CIITA: variants seen among roughly 807,000 people sequenced by gnomAD.
CIITA encodes the protein MHC class II transactivator.
CIITA carries 72 observed loss-of-function variants against 115.1 expected under a neutral mutation model. The ratio of observed to expected loss-of-function variants is 0.63; its 90% confidence interval spans 0.52 to 0.76. The LOEUF (loss-of-function observed/expected upper bound fraction) is 0.76, where lower values mean the gene tolerates loss of function less well. CIITA is among the 30% of genes least tolerant of loss of function. The probability of loss-of-function intolerance (pLI) is 0.00; values close to 1 mark genes in which losing one functional copy is unlikely to be tolerated. For synonymous variants in CIITA, 763 were observed against 635.6 expected (o/e 1.20, Z -3.02); for missense variants, 1,617 against 1,463.8 (o/e 1.10, Z -1.71).
At position 10,879,654 on chromosome 16, in the gene CIITA, C is replaced by T. The variant is rs954545467; in HGVS notation, c.52+2272C>T. Among the ~76,000 whole-genome samples, 4 of 152,166 alleles carry T rather than the reference C, an allele frequency of 2.6e-5. No individual in the cohort carries two copies. The highest frequency in any genetic ancestry group is 5.9e-5 in the Non-Finnish European group (4 of 68,024). ...GGGAGGGGTGGGGGAGGGATCCCCC[C>T]GGACTGAACCGATCTCTTGATCTCT... On this transcript the variant is annotated intron_variant, in intron 1 of 19. Transcript: ENST00000324288. This position sits in a 1 kb window ranked among gnomAD's most constrained non-coding sequence, Gnocchi z 4.3.
At chr16:10,915,437 G>A (rs568882607) in intron 13 of CIITA, 133 bp from the exon 14 acceptor site, 7 of 741,074 alleles carry the variant, frequency 9.4e-6, no homozygotes, top group South Asian at 8.6e-5. Context: ...GGACCTAAGA[G>A]GCTGGGGTGG....
intron 13 of CIITA, among the ~76,000 whole-genome samples, chr16:10,911,255 C>A (rs1265413183): frequency 5.3e-5 from 8 of 150,478 alleles, no homozygotes; most frequent in African/African-American, 1.7e-4. Context: ...TTCTTTCTCT[C>A]TTTCTTTCCT....
chr16:10,939,188 C>G (rs527648071), downstream of CIITA: 2 of 152,372 alleles, frequency 1.3e-5, no homozygotes, highest in Admixed American at 6.5e-5. This position sits in a 1 kb window ranked among gnomAD's most constrained non-coding sequence, Gnocchi z 4.9. Flanking sequence ...GAGAGTTGTT[C>G]TCAGTCTGTT....
intron 1 of CIITA, among the ~76,000 whole-genome samples, chr16:10,870,139 A>G (rs1400006773): frequency 7.3e-6 from 1 of 136,300 alleles, no homozygotes; most frequent in Non-Finnish European, 1.5e-5. Context: ...ATGGGGTCTC[A>G]TGAGTCCTGG....
chr16:10,878,458 G>T (rs2036057329), intron 1 of CIITA, among the ~76,000 whole-genome samples: 1 of 152,206 alleles, frequency 6.6e-6, no homozygotes, highest in South Asian at 2.1e-4. Context: ...CTCTTGCCAC[G>T]GCTGGGGGTG....
At chr16:10,893,025 G>C (rs2037752423) in intron 1 of CIITA, among the ~76,000 whole-genome samples, 1 of 152,200 alleles carries the variant, frequency 6.6e-6, no homozygotes, top group Admixed American at 6.5e-5. Flanking sequence ...GTCTTTATAA[G>C]AGAAAGAGAC....
chr16:10,878,507 C>T (rs1219755788), intron 1 of CIITA, among the ~76,000 whole-genome samples: 3 of 152,172 alleles, frequency 2.0e-5, no homozygotes, highest in East Asian at 1.9e-4. Context: ...ATGGAAGGTA[C>T]CTGAGGGATT....
chr16:10,904,931 T>G, intron 10 of CIITA, 119 bp downstream of exon 10: 1 of 1,004,998 alleles, frequency 1.0e-6, no homozygotes, highest in Admixed American at 1.9e-5. Flanking sequence ...ACACACTCAT[T>G]TATTTATTCA....
chr16:10,937,547 C>G (rs143270972), downstream of CIITA: 66 of 152,378 alleles, frequency 4.3e-4, no homozygotes, highest in African/African-American at 1.3e-3. The surrounding 1 kb of genome is among the most constrained non-coding windows in gnomAD (Gnocchi z 4.2). Flanking sequence ...AGCTCCAAAT[C>G]TGAGCTGCAC....
At position 10,877,874 on chromosome 16, in the gene CIITA, T is replaced by C. The variant is rs1042971091; in HGVS notation, c.52+492T>C. On this transcript the variant is annotated intron_variant, in intron 1 of 19. Coordinates refer to ENST00000324288, the MANE Select transcript of CIITA (RefSeq NM_000246.4). ...GGATGCTGCCCTCCCCCCAGTTTCC[T>C]AATGGTGTTGTTTAAAAAGGGTCAG... Among the ~76,000 whole-genome samples, 3 of 152,094 alleles carry C rather than the reference T, an allele frequency of 2.0e-5. No individual in the cohort carries two copies. The East Asian group carries it at 5.8e-4, about 29-fold the overall frequency.
At chr16:10,938,551 T>A (rs1379778973), downstream of CIITA, 1 of 152,218 alleles carries the variant, frequency 6.6e-6, no homozygotes, top group East Asian at 1.9e-4. The surrounding 1 kb of genome is among the most constrained non-coding windows in gnomAD (Gnocchi z 4.9). Flanking sequence ...GGCGTTCCCC[T>A]GCTTATGGAA....
intron 1 of CIITA, among the ~76,000 whole-genome samples, chr16:10,893,910 C>T (rs2037856297): frequency 6.8e-6 from 1 of 147,948 alleles, no homozygotes; most frequent in Non-Finnish European, 1.5e-5. Flanking sequence ...AATTTTAGCA[C>T]ATTTCATCAC....
intron 1 of CIITA, among the ~76,000 whole-genome samples, chr16:10,883,478 T>C (rs1362234349): frequency 6.6e-6 from 1 of 152,192 alleles, no homozygotes; most frequent in Non-Finnish European, 1.5e-5. Context: ...TACCCTTTAC[T>C]GGCAAATGCA....
At position 10,901,387 on chromosome 16, in the gene CIITA, G is replaced by T; in HGVS notation, c.437-127G>T. 1.0e-6 allele frequency: 1 copy of T among 979,856 alleles called. No individual in the cohort carries two copies. The highest frequency in any genetic ancestry group is 1.6e-6 in the Non-Finnish European group (1 of 628,022). The allele number at this position is 979,856 out of a possible 1,614,324, so 60.7% of individuals were successfully genotyped here. On this transcript the variant is annotated intron_variant, in intron 5 of 19. Coordinates refer to ENST00000324288, the MANE Select transcript of CIITA (RefSeq NM_000246.4). The surrounding 1 kb of genome is among the most constrained non-coding windows in gnomAD (Gnocchi z 6.8). ...GGTTGGAATGTTAGAGCGAGGGGAG[G>T]AAAATGGACCCCCAAGACCACTACC...
rs73499477 is a variant in CIITA at position 10,885,543 on chromosome 16, T to C, written c.52+8161T>C. ...GAAAGTCTTGAGTGAGACCAGTAGTTTCTCTTAAGTCCTCTCTCTGTCTCG... is the reference window on the plus strand; with the variant it reads ...GAAAGTCTTGAGTGAGACCAGTAGTCTCTCTTAAGTCCTCTCTCTGTCTCG... On this transcript the variant is annotated intron_variant, in intron 1 of 19. Transcript: ENST00000324288. Among the ~76,000 whole-genome samples, 1,116 of 152,266 alleles carry C rather than the reference T, an allele frequency of 7.3e-3. 10 individuals carry two copies. Among genetic ancestry groups the C allele is most frequent in the African/African-American group, 0.025 (1,027 of 41,552 alleles).
rs2036151234 is a variant in CIITA at position 10,879,190 on chromosome 16, G to A, written c.52+1808G>A. ...AAAATGTAGGGCCGGGAAACACCTCGTTTCCAGCATCCCCGCAACGACTCT... is the reference window on the plus strand; with the variant it reads ...AAAATGTAGGGCCGGGAAACACCTCATTTCCAGCATCCCCGCAACGACTCT... On this transcript the variant is annotated intron_variant, in intron 1 of 19. Transcript: ENST00000324288. The surrounding 1 kb of genome is among the most constrained non-coding windows in gnomAD (Gnocchi z 4.3). 1 of 177,510 alleles carries A rather than the reference G, an allele frequency of 5.6e-6. No homozygotes were observed. Among genetic ancestry groups the A allele is most frequent in the Middle Eastern group, 2.1e-3 (1 of 478 alleles). The allele number at this position is 177,510 out of a possible 1,614,324, so 11.0% of individuals were successfully genotyped here. A position where few individuals can be genotyped will look rare whatever the true frequency, so the allele number is the denominator to read the frequency against.
Position 10,923,081 on chromosome 16 carries a change from T to C in CIITA, c.3318-147T>C, listed in dbSNP as rs1351852402. The stretch of plus-strand genomic sequence containing the variant: ...CCTCCTAGGCTTCTCCTTTTCCCCA[T>C]GACCCACACCGGTCGGTATCTTGCC... On this transcript the variant is annotated intron_variant, in intron 18 of 19. Transcript: ENST00000324288. This position sits in a 1 kb window ranked among gnomAD's most constrained non-coding sequence, Gnocchi z 5.2. 1.4e-6 allele frequency: 1 copy of C among 730,896 alleles called. No individual in the cohort carries two copies. The highest frequency in any genetic ancestry group is 2.5e-5 in the East Asian group (1 of 40,412). 45.3% of individuals were successfully genotyped at this position (730,896 alleles called of 1,614,324 possible).
rs981995122 is a variant in CIITA at position 10,924,877 on chromosome 16, G to T, written c.*1022G>T. On this transcript the variant is annotated 3_prime_UTR_variant, in exon 20 of 20. Transcript: ENST00000324288. Reference sequence around the variant, plus strand: ...CTTTAATGTCACAGGCAGGTCCAGGGTTTGAGTTCATACCCTGTTACCATT... The same window carrying T: ...CTTTAATGTCACAGGCAGGTCCAGGTTTTGAGTTCATACCCTGTTACCATT... 6.6e-6 allele frequency: 1 copy of T among 152,202 alleles called. No individual in the cohort carries two copies. Among genetic ancestry groups the T allele is most frequent in the Admixed American group, 6.5e-5 (1 of 15,294 alleles). 9.4% of individuals were successfully genotyped at this position (152,202 alleles called of 1,614,324 possible). A position where few individuals can be genotyped will look rare whatever the true frequency, so the allele number is the denominator to read the frequency against.
chr16:10,892,992 G>A (rs897358127), intron 1 of CIITA, among the ~76,000 whole-genome samples: 3 of 152,156 alleles, frequency 2.0e-5, no homozygotes, highest in African/African-American at 7.2e-5. Context: ...TTATCTAGGT[G>A]GGTCCTAAAT....
Sources: allele counts gnomAD v4.1 joint callset (sites outside exome capture counted in the v4.1 genomes callset), GRCh38; gene constraint gnomAD v4.1.1; non-coding constraint Gnocchi (gnomAD v3.1); transcripts MANE v1.5; gene names NCBI Gene and HGNC (gene_info 2026-07-23, HGNC 2026-07-21).